TNRC6C: variants seen among roughly 807,000 people sequenced by gnomAD.
The protein encoded by TNRC6C is trinucleotide repeat containing adaptor 6C.
TNRC6C carries 20 observed loss-of-function variants against 153.7 expected under a neutral mutation model. The ratio of observed to expected loss-of-function variants is 0.13; its 90% CI spans 0.09 to 0.19. The LOEUF is 0.19. Ranked by LOEUF, TNRC6C falls within the 10% of genes least tolerant of loss-of-function variation. The probability of loss-of-function intolerance (pLI) is 1.00; values close to 1 mark genes in which losing one functional copy is unlikely to be tolerated. For synonymous variants in TNRC6C, 811 were observed against 841.4 expected, an observed-to-expected ratio of 0.96 and a Z score of 0.63; for missense variants, 1,987 against 2,172.0, an observed-to-expected ratio of 0.91 and a Z score of 1.69.
In TNRC6C at chr17:78,020,394, T is replaced by C. The variant is rs138271532; in HGVS notation, c.-545-11122T>C. On this transcript the variant is annotated intron_variant, in intron 1 of 19. Coordinates refer to ENST00000301624, the Ensembl canonical transcript of TNRC6C. ...GTAAAATAATGTGCTAGTACTTTAG[T>C]GTAGAGTAAATAGTTGTAAGGGAAA... Among the ~76,000 whole-genome samples the C allele has an allele frequency of 1.5e-4, 23 of 152,320 alleles. No homozygotes were observed. In the East Asian group the frequency reaches 3.9e-3, roughly 26 times the overall value.
At chr17:78,100,863 C>A (rs1009095005) in intron 17 of TNRC6C, among the ~76,000 whole-genome samples, 16 of 149,400 alleles carry the variant, frequency 1.1e-4, no homozygotes, top group African/African-American at 3.7e-4. Context: ...GCAACCTCTG[C>A]CTCCCAGGTT....
chr17:78,070,355 T>C (rs1372075278), intron 5 of TNRC6C, among the ~76,000 whole-genome samples: 1 of 152,234 alleles, frequency 6.6e-6, no homozygotes, highest in Non-Finnish European at 1.5e-5. Context: ...TGTGGCAGGC[T>C]CAATTGTGAA....
upstream of TNRC6C, chr17:78,005,052 T>C (rs1278628042): frequency 8.1e-7 from 1 of 1,228,424 alleles, no homozygotes; most frequent in Non-Finnish European, 1.0e-6. Context: ...CTTTTTTTTT[T>C]TTCAGGCTGC....
intron 16 of TNRC6C, among the ~76,000 whole-genome samples, chr17:78,094,334 G>GA (rs1315686402): frequency 3.3e-5 from 5 of 151,878 alleles, no homozygotes; most frequent in African/African-American, 1.2e-4. Flanking sequence ...GATTGCCATA[G>GA]GTACTATCAC....
At chr17:78,070,599 A>C (rs912690224) in intron 5 of TNRC6C, among the ~76,000 whole-genome samples, 1 of 152,154 alleles carries the variant, frequency 6.6e-6, no homozygotes, top group Non-Finnish European at 1.5e-5. Flanking sequence ...ATGAGCTATA[A>C]GTAACAAATA....
intron 1 of TNRC6C, among the ~76,000 whole-genome samples, chr17:78,007,371 T>C (rs2071539619): frequency 6.6e-6 from 1 of 152,232 alleles, no homozygotes; most frequent in African/African-American, 2.4e-5. Flanking sequence ...ATTAGCAGCA[T>C]CAAGGTTTAC....
chr17:77,997,367 G>C (rs1031555259), intron 1 of TNRC6C, among the ~76,000 whole-genome samples: 2 of 152,152 alleles, frequency 1.3e-5, no homozygotes, highest in African/African-American at 4.8e-5. Flanking sequence ...CCGAAGTATA[G>C]GTCCCTGCTG....
intron 1 of TNRC6C, among the ~76,000 whole-genome samples, chr17:78,017,620 G>T (rs901077372): frequency 6.6e-6 from 1 of 152,218 alleles, no homozygotes; most frequent in South Asian, 2.1e-4. Flanking sequence ...GCTTCTCCTA[G>T]TGTGGCAGCC....
At position 78,075,136 on chromosome 17, in the gene TNRC6C, G is replaced by A. The variant is rs2073061664; in HGVS notation, c.2918G>A (p.Ser973Asn). ...ATTGCTTCTGTTTGTTGTGCTCCAG[G>A]CGCTCTGCTGGAAAAGAAGGTGGAC... Residue 973 changes from serine (S) to asparagine (N), a missense_variant and splice_region_variant, in exon 8 of 20, where the codon AGC becomes AAC. By Grantham distance (46) the Ser-to-Asn change is conservative. Around this residue, in one of 4 missense-constraint regions of TNRC6C, gnomAD observed 765 missense variants for 908.6 expected, o/e 0.84. Coordinates refer to ENST00000301624, the Ensembl canonical transcript of TNRC6C. The surrounding 1 kb of genome is among the most constrained non-coding windows in gnomAD (Gnocchi z 4.2). 1 of 1,613,166 alleles carries A rather than the reference G, an allele frequency of 6.2e-7. No individual in the cohort carries two copies. Among genetic ancestry groups the A allele is most frequent in the African/African-American group, 1.3e-5 (1 of 74,910 alleles).
intron 3 of TNRC6C, among the ~76,000 whole-genome samples, chr17:78,060,048 A>G (rs914342956): frequency 6.6e-6 from 1 of 152,132 alleles, no homozygotes; most frequent in Non-Finnish European, 1.5e-5. Flanking sequence ...TGTGCAGCTC[A>G]AGGCCCGTGG....
Position 78,038,457 on chromosome 17 carries a change from A to G in TNRC6C, c.-219+6615A>G, listed in dbSNP as rs554575697. ...GGGAGGCCGAGGCAGGTGGATCACG[A>G]GTTCAGGAGATTGAGACCATCCTGG... On this transcript the variant is annotated intron_variant, in intron 2 of 19. Transcript: ENST00000301624. Among the ~76,000 whole-genome samples, 11 of 152,070 alleles carry G rather than the reference A, an allele frequency of 7.2e-5. No individual in the cohort carries two copies. In the South Asian group the frequency reaches 2.1e-3, roughly 29 times the overall value.
chr17:77,982,580 C>T (rs1214743056), intron 1 of TNRC6C, among the ~76,000 whole-genome samples: 2 of 152,132 alleles, frequency 1.3e-5, no homozygotes, highest in Non-Finnish European at 2.9e-5. Flanking sequence ...GCCTGTAGTC[C>T]CAGCACTATG....
intron 1 of TNRC6C, among the ~76,000 whole-genome samples, chr17:77,969,047 C>T (rs966956792): frequency 1.3e-5 from 2 of 152,138 alleles, no homozygotes; most frequent in Non-Finnish European, 2.9e-5. Flanking sequence ...GGATTCCAGA[C>T]TTCATACTGG....
At chr17:77,973,720 A>G (rs1411850727) in intron 1 of TNRC6C, among the ~76,000 whole-genome samples, 1 of 152,220 alleles carries the variant, frequency 6.6e-6, no homozygotes, top group Non-Finnish European at 1.5e-5. Context: ...AAATGAAATT[A>G]AGAAAACTCA....
At chr17:77,992,788 C>T (rs985543436) in intron 1 of TNRC6C, among the ~76,000 whole-genome samples, 2 of 152,054 alleles carry the variant, frequency 1.3e-5, no homozygotes, top group African/African-American at 4.8e-5. Flanking sequence ...CTTTTTCTTC[C>T]CTTGTAGAAC....
intron 15 of TNRC6C, 41 bp downstream of exon 17, chr17:78,093,165 G>C (rs150608960): frequency 8.1e-5 from 130 of 1,595,530 alleles, no homozygotes; most frequent in Non-Finnish European, 9.2e-5. Flanking sequence ...CAGCAGGTCA[G>C]AATGTGCTCC....
At chr17:78,022,214 T>G (rs1427221917) in intron 1 of TNRC6C, among the ~76,000 whole-genome samples, 4 of 152,232 alleles carry the variant, frequency 2.6e-5, no homozygotes, top group African/African-American at 9.6e-5. Flanking sequence ...CACATAACAG[T>G]TATTCAAGGT....
chr17:78,041,680 G>A (rs2072298596), intron 2 of TNRC6C, among the ~76,000 whole-genome samples: 1 of 152,202 alleles, frequency 6.6e-6, no homozygotes, highest in South Asian at 2.1e-4. Context: ...CCCAGTAAAT[G>A]CAGTAGAGGG....
At chr17:78,003,803 C>G (rs1452198614), upstream of TNRC6C, among the ~76,000 whole-genome samples, 4 of 152,224 alleles carry the variant, frequency 2.6e-5, no homozygotes, top group Non-Finnish European at 5.9e-5. Context: ...GTGCGTCACA[C>G]TGGTAATCCC....
Sources: allele counts gnomAD v4.1 joint callset (sites outside exome capture counted in the v4.1 genomes callset), GRCh38; gene constraint gnomAD v4.1.1; regional missense constraint gnomAD v4.1.1; non-coding constraint Gnocchi (gnomAD v3.1); transcripts MANE v1.5; gene names NCBI Gene and HGNC (gene_info 2026-07-23, HGNC 2026-07-21).